Variants in P4HA2 observed in about 807,000 individuals in gnomAD.
The protein encoded by P4HA2 is prolyl 4-hydroxylase subunit alpha-2.
A neutral mutation model predicts 76.9 loss-of-function variants in P4HA2; 46 were observed. The observed-to-expected ratio is 0.60, with a 90% CI of 0.47 to 0.76. P4HA2 has a LOEUF of 0.76. Ranked by LOEUF, P4HA2 falls within the 30% of genes least tolerant of loss-of-function variation. The pLI, the probability that P4HA2 is intolerant of heterozygous loss-of-function variation, is 0.00. For synonymous variants in P4HA2, 243 were observed against 254.0 expected, an observed-to-expected ratio of 0.96 and a Z score of 0.41; for missense variants, 583 against 669.4, an observed-to-expected ratio of 0.87 and a Z score of 1.42.
At chr5:132,213,103 A>G (rs1486736455) in intron 5 of P4HA2, among the ~76,000 whole-genome samples, 1 of 152,246 alleles carries the variant, frequency 6.6e-6, no homozygotes, top group East Asian at 1.9e-4. Context: ...CAGAGAGGCT[A>G]AAAGAGAAGC....
intron 10 of P4HA2, chr5:132,202,681 T>C (rs1445326121): frequency 6.6e-6 from 1 of 152,200 alleles, no homozygotes; most frequent in Non-Finnish European, 1.5e-5. Context: ...TTTACTAAGC[T>C]TTACCCAAGA....
intron 10 of P4HA2, among the ~76,000 whole-genome samples, chr5:132,203,194 C>T (rs1188241244): frequency 6.6e-6 from 1 of 152,222 alleles, no homozygotes; most frequent in Non-Finnish European, 1.5e-5. Flanking sequence ...GCCCACTCTG[C>T]AAGTTCCCTA....
chr5:132,217,423 A>C, intron 3 of P4HA2, 75 bp from the exon 4 acceptor site: 1 of 1,465,206 alleles, frequency 6.8e-7, no homozygotes, highest in Non-Finnish European at 9.4e-7. Context: ...TTTCCTAGTG[A>C]GAATTCCCTG....
At chr5:132,206,947 T>G (rs1420993957) in intron 8 of P4HA2, among the ~76,000 whole-genome samples, 1 of 152,234 alleles carries the variant, frequency 6.6e-6, no homozygotes, top group Admixed American at 6.5e-5. Flanking sequence ...TGAGTTTGCT[T>G]TTTCATAGGT....
intron 14 of P4HA2, 44 bp from the exon 15 acceptor site, chr5:132,193,124 T>C (rs747590250): frequency 7.2e-7 from 1 of 1,391,518 alleles, no homozygotes; most frequent in East Asian, 2.3e-5. Context: ...TTGGTCAGTT[T>C]AGTAGCCTGA....
At position 132,210,302 on chromosome 5, in the gene P4HA2, G is replaced by A. The variant is rs149593706; in HGVS notation, c.691C>T (p.Arg231Cys). 5.4e-5 allele frequency: 87 copies of A among 1,613,988 alleles called. No individual in the cohort carries two copies. Among genetic ancestry groups the A allele is most frequent in the Non-Finnish European group, 6.9e-5 (82 of 1,180,026 alleles). Reference sequence around the variant, plus strand: ...TCCTTACCAAGGGAGAGCAGGCGGCGGGTGAGCTCCAGGGCACGGTGCAGA... The same window carrying A: ...TCCTTACCAAGGGAGAGCAGGCGGCAGGTGAGCTCCAGGGCACGGTGCAGA... ...GDLHRALELT[R>C]RLLSLDPSHE... The change falls in exon 6 of 15, where the codon CGC becomes TGC. Residue 231 changes from arginine (R) to cysteine (C), a missense_variant. Coordinates refer to ENST00000360568, the MANE Select transcript of P4HA2 (RefSeq NM_001017974.2).
Position 132,209,241 on chromosome 5 carries a change from T to A in P4HA2, c.800A>T (p.Glu267Val). The A allele has an allele frequency of 6.2e-7, 1 of 1,614,034 alleles. No individual in the cohort carries two copies. Among genetic ancestry groups the A allele is most frequent in the Non-Finnish European group, 8.5e-7 (1 of 1,179,910 alleles). Residue 267 changes from glutamate (E) to valine (V), a missense_variant, in exon 7 of 15, where the codon GAA (glutamate) becomes GTA (valine). Glu to Val is a moderately radical substitution (Grantham distance 121, BLOSUM62 -2). Coordinates refer to ENST00000360568, the MANE Select transcript of P4HA2 (RefSeq NM_001017974.2). ...GCCTTCTGGGGTTGCTAGCTCAGCT[T>A]CTGTCTGATTTGTTAACGTTTTTTC... Reference protein sequence around the residue: ...EREKTLTNQTEAELATPEGIY... With the variant: ...EREKTLTNQTVAELATPEGIY...
chr5:132,198,775 G>A (rs1018887554), intron 11 of P4HA2, 104 bp downstream of exon 11: 1 of 801,950 alleles, frequency 1.2e-6, no homozygotes, highest in African/African-American at 1.7e-5. Context: ...GGAGGACAAG[G>A]GGTGGGGGTA....
intron 1 of P4HA2, among the ~76,000 whole-genome samples, chr5:132,223,550 T>C (rs1754920832): frequency 6.6e-6 from 1 of 152,162 alleles, no homozygotes; most frequent in Non-Finnish European, 1.5e-5. Context: ...GCATGAGCCA[T>C]CGCACAGGCC....
chr5:132,224,846 C>T (rs1755136436), intron 1 of P4HA2, among the ~76,000 whole-genome samples: 2 of 152,080 alleles, frequency 1.3e-5, no homozygotes, highest in Admixed American at 1.3e-4. Flanking sequence ...AGGTACAAAA[C>T]AGGCCACACT....
Position 132,204,168 on chromosome 5 carries a change from A to G in P4HA2, c.1081-16T>C. On this transcript the variant is annotated splice_polypyrimidine_tract_variant and intron_variant, in intron 8 of 14. Transcript: ENST00000360568. ...CTCGTGCAAGCTAGAAGGAAGGAGG[A>G]GAGGGAAGACTTGATTTGTTTGTTT... The G allele has an allele frequency of 6.3e-7, 1 of 1,597,166 alleles. No individual in the cohort carries two copies. The highest frequency in any genetic ancestry group is 8.6e-7 in the Non-Finnish European group (1 of 1,164,420).
chr5:132,209,045 T>C, intron 7 of P4HA2, 93 bp downstream of exon 7: 2 of 880,248 alleles, frequency 2.3e-6, no homozygotes, highest in Non-Finnish European at 3.6e-6. Context: ...GAAAAGTACC[T>C]ACAGAATAAA....
Position 132,217,820 on chromosome 5 carries a change from C to A in P4HA2, c.111G>T (p.Glu37Asp), listed in dbSNP as rs201486046. ...CTTTCAGAGACTGCACCAGCTCTTT[C>A]TCTGCATAAATCAGGTCAGTCATGT... is the stretch of plus-strand genomic sequence containing the variant. ...IGHMTDLIYA[E>D]KELVQSLKEY... The change falls in exon 3 of 15, where the codon GAG (glutamate) becomes GAT (aspartate). Residue 37 changes from glutamate (E) to aspartate (D), a missense_variant. Transcript: ENST00000360568. The A allele has an allele frequency of 6.2e-7, 1 of 1,612,674 alleles. No homozygotes were observed. Among genetic ancestry groups the A allele is most frequent in the East Asian group, 2.2e-5 (1 of 44,886 alleles).
chr5:132,206,872 C>A (rs1241086178), intron 8 of P4HA2, among the ~76,000 whole-genome samples: 3 of 152,006 alleles, frequency 2.0e-5, no homozygotes, highest in Non-Finnish European at 4.4e-5. Flanking sequence ...TCCAGGCAAC[C>A]AAAGAGAAAT....
At chr5:132,213,165 G>A (rs1414061742) in intron 5 of P4HA2, among the ~76,000 whole-genome samples, 1 of 152,194 alleles carries the variant, frequency 6.6e-6, no homozygotes, top group Admixed American at 6.5e-5. Flanking sequence ...CAAAGAATGA[G>A]GCAATCTATC....
In P4HA2 at chr5:132,225,049, G is replaced by GAAAA. The variant is rs371037185; in HGVS notation, c.-19+2737_-19+2740dup. Among the ~76,000 whole-genome samples the GAAAA allele has an allele frequency of 4.9e-3, 569 of 116,616 alleles. 8 individuals carry two copies. The highest frequency in any genetic ancestry group is 0.017 in the African/African-American group (513 of 30,222). The allele number at this position is 116,616 out of a possible 152,430, so 76.5% of individuals were successfully genotyped here. A position where few individuals can be genotyped will look rare whatever the true frequency, so the allele number is the denominator to read the frequency against. Reference sequence around the variant, plus strand: ...ACTTTTCATTCTCCTCTGCTCTGAGGAAAAAAAAAAAAAAAAAAAACTGTC... The same window carrying GAAAA: ...ACTTTTCATTCTCCTCTGCTCTGAGGAAAAAAAAAAAAAAAAAAAAAAAACTGTC... On this transcript the variant is annotated intron_variant, in intron 1 of 14. Transcript: ENST00000360568.
chr5:132,221,538 A>G (rs1754647747), intron 1 of P4HA2, among the ~76,000 whole-genome samples: 1 of 152,350 alleles, frequency 6.6e-6, no homozygotes, highest in South Asian at 2.1e-4. Flanking sequence ...GCATACTGTT[A>G]AGTGAGAAAA....
intron 6 of P4HA2, among the ~76,000 whole-genome samples, chr5:132,209,998 G>C (rs765601071): frequency 6.6e-6 from 1 of 152,128 alleles, no homozygotes; most frequent in Non-Finnish European, 1.5e-5. Flanking sequence ...GTGTAGTCCT[G>C]CATGGTGACA....
Position 132,218,563 on chromosome 5 carries a change from C to T in P4HA2, c.64G>A (p.Glu22Lys). 4.3e-6 allele frequency: 7 copies of T among 1,612,726 alleles called. No homozygotes were observed. Among genetic ancestry groups the T allele is most frequent in the East Asian group, 2.2e-5 (1 of 44,854 alleles). Residue 22 changes from glutamate to lysine, a missense_variant, in exon 2 of 15, where the codon GAA becomes AAA. Transcript: ENST00000360568. The part of the protein sequence containing the change: ...WFGVLSCVQA[E>K]FFTSIGHMTD... ...CACGTACCAATAGAGGTGAAGAATT[C>T]GGCCTGCACACAGCTCAGGACACCA...
Sources: allele counts gnomAD v4.1 joint callset (sites outside exome capture counted in the v4.1 genomes callset), GRCh38; gene constraint gnomAD v4.1.1; transcripts MANE v1.5; gene names NCBI Gene and HGNC (gene_info 2026-07-23, HGNC 2026-07-21).